ADAMTS20: variants seen among roughly 807,000 people sequenced by gnomAD.
ADAMTS20 encodes ADAM metallopeptidase with thrombospondin type 1 motif 20.
ADAMTS20 carries 225 observed loss-of-function variants against 260.1 expected under a neutral mutation model. That is an observed-to-expected ratio of 0.87 (90% CI 0.78 to 0.97). The LOEUF (loss-of-function observed/expected upper bound fraction) is 0.97. ADAMTS20 is among the 50% of genes least tolerant of loss of function. ADAMTS20 has a pLI of 0.00. For missense variants in ADAMTS20, 2,400 were observed against 2,337.7 expected, an observed-to-expected ratio of 1.03 and a Z score of -0.55; for synonymous variants, 802 against 769.5, an observed-to-expected ratio of 1.04 and a Z score of -0.70.
At chr12:43,441,965 CTATG>C (rs1170484145) in intron 16 of ADAMTS20, among the ~76,000 whole-genome samples, 6 of 152,136 alleles carry the variant, frequency 3.9e-5, no homozygotes, top group Admixed American at 2.6e-4. Flanking sequence ...TATATTTAGT[CTATG>C]ACATAGACAT....
chr12:43,492,877 C>T (rs968287790), intron 5 of ADAMTS20, among the ~76,000 whole-genome samples: 1 of 152,108 alleles, frequency 6.6e-6, no homozygotes, highest in South Asian at 2.1e-4. Flanking sequence ...CTTTTAAAAA[C>T]GACTATATTC....
chr12:43,452,650 A>G lies in ADAMTS20; in HGVS notation c.1806T>C (p.Phe602=). ...GACATGAATCAGTATTACATGATCG[A>G]AATTTCATCCTGCGGCCCACACAGT... ...GNYCVGRRMK[F]RSCNTDSCPK... The change falls in exon 13 of 39, where the codon TTT becomes TTC. Residue 602 remains phenylalanine, a synonymous_variant. Coordinates refer to ENST00000389420, the MANE Select transcript of ADAMTS20 (RefSeq NM_025003.5). 1 of 1,611,988 alleles carries G rather than the reference A, an allele frequency of 6.2e-7. No individual in the cohort carries two copies.
At chr12:43,470,001 C>G (rs1942224005) in intron 7 of ADAMTS20, among the ~76,000 whole-genome samples, 1 of 152,004 alleles carries the variant, frequency 6.6e-6, no homozygotes, top group South Asian at 2.1e-4. Flanking sequence ...CGAGCTTTTT[C>G]CTTACAAGGA....
At chr12:43,375,795 C>G (rs1940213226) in intron 35 of ADAMTS20, among the ~76,000 whole-genome samples, 3 of 152,192 alleles carry the variant, frequency 2.0e-5, no homozygotes, top group Non-Finnish European at 4.4e-5. Context: ...AAATTCTTCC[C>G]TTCTCTATGT....
At chr12:43,446,286 T>C (rs1245657334) in intron 15 of ADAMTS20, among the ~76,000 whole-genome samples, 1 of 152,148 alleles carries the variant, frequency 6.6e-6, no homozygotes, top group Non-Finnish European at 1.5e-5. Context: ...AACCATTTCA[T>C]TAATGGGAGG....
chr12:43,535,975 A>C (rs1943289310), intron 2 of ADAMTS20, among the ~76,000 whole-genome samples: 1 of 152,172 alleles, frequency 6.6e-6, no homozygotes, highest in African/African-American at 2.4e-5. Context: ...ATTTATGTAG[A>C]TAGATCCCTC....
At chr12:43,356,330 ATGT>A (rs1413698941) in intron 38 of ADAMTS20, among the ~76,000 whole-genome samples, 151 bp downstream of exon 38, 2 of 152,216 alleles carry the variant, frequency 1.3e-5, no homozygotes, top group African/African-American at 4.8e-5. Context: ...TCATAAATTA[ATGT>A]TGTGCTCCAT....
intron 7 of ADAMTS20, among the ~76,000 whole-genome samples, chr12:43,481,068 GTATATA>G (rs1942434009): frequency 6.6e-6 from 1 of 152,084 alleles, no homozygotes; most frequent in South Asian, 2.1e-4. Flanking sequence ...CCCCAAAAAT[GTATATA>G]ATTATGATTT....
Position 43,528,347 on chromosome 12 carries a change from G to GAAAAAAAAAAAAAAAAAAAAA in ADAMTS20, c.613+3688_613+3689insTTTTTTTTTTTTTTTTTTTTT, listed in dbSNP as rs1565583137. On this transcript the variant is annotated intron_variant, in intron 3 of 38. Coordinates refer to ENST00000389420, the MANE Select transcript of ADAMTS20 (RefSeq NM_025003.5). ...AGACCAACAGCCAAGGCAATCCTAA[G>GAAAAAAAAAAAAAAAAAAAAA]CAAAAAAAAAAAAAAAAAAAAAAAA... Among the ~76,000 whole-genome samples the GAAAAAAAAAAAAAAAAAAAAA allele has an allele frequency of 5.2e-3, 12 of 2,306 alleles. 1 individual carries two copies. The highest frequency in any genetic ancestry group is 9.1e-3 in the African/African-American group (12 of 1,322). 1.5% of individuals were successfully genotyped at this position (2,306 alleles called of 152,430 possible).
intron 3 of ADAMTS20, among the ~76,000 whole-genome samples, chr12:43,527,981 T>A (rs1447953901): frequency 1.3e-5 from 2 of 152,016 alleles, no homozygotes; most frequent in African/African-American, 4.8e-5. Flanking sequence ...ATAAACAAAT[T>A]CAGTAAAGTC....
intron 3 of ADAMTS20, among the ~76,000 whole-genome samples, chr12:43,503,847 G>C (rs1367024077): frequency 6.6e-6 from 1 of 152,044 alleles, no homozygotes; most frequent in Non-Finnish European, 1.5e-5. Context: ...AGTTTGCTAA[G>C]GATAATGGCC....
chr12:43,384,001 G>A, intron 29 of ADAMTS20, 24 bp from the exon 30 acceptor site: 2 of 1,571,376 alleles, frequency 1.3e-6, no homozygotes, highest in Non-Finnish European at 1.7e-6. Context: ...CAGTTGATTT[G>A]AACAATTAGC....
At chr12:43,546,619 A>G (rs1943443599) in intron 2 of ADAMTS20, among the ~76,000 whole-genome samples, 1 of 152,204 alleles carries the variant, frequency 6.6e-6, no homozygotes. Flanking sequence ...CAACATTATG[A>G]GATGATAAAT....
At chr12:43,419,964 T>C (rs1281991165) in intron 28 of ADAMTS20, among the ~76,000 whole-genome samples, 2 of 152,206 alleles carry the variant, frequency 1.3e-5, no homozygotes, top group African/African-American at 4.8e-5. Context: ...GCTGCAATTA[T>C]GCAAAATATT....
At chr12:43,477,400 T>G (rs770122478) in intron 7 of ADAMTS20, among the ~76,000 whole-genome samples, 3 of 152,342 alleles carry the variant, frequency 2.0e-5, no homozygotes, top group Admixed American at 6.5e-5. Flanking sequence ...TAAAATACTC[T>G]TAACAAACCC....
intron 28 of ADAMTS20, among the ~76,000 whole-genome samples, chr12:43,404,786 T>A (rs1184777675): frequency 6.6e-6 from 1 of 152,166 alleles, no homozygotes; most frequent in Admixed American, 6.6e-5. Flanking sequence ...AGTTTTATGT[T>A]AAATATTTTT....
rs538666060 is a variant in ADAMTS20, at chr12:43,468,686, G to C, written c.1137C>G (p.Thr379=). Residue 379 remains threonine (T), a synonymous_variant, in exon 8 of 39, where the codon ACC becomes ACG. Coordinates refer to ENST00000389420, the MANE Select transcript of ADAMTS20 (RefSeq NM_025003.5). ...AGCAGCTTTGTAAAGGATCACATAT[G>C]GTACCTAAATATGATAAACCTGAAA... ...CNMLGLSYLG[T]ICDPLQSCFI... 1 of 1,597,004 alleles carries C rather than the reference G, an allele frequency of 6.3e-7. No individual in the cohort carries two copies. The highest frequency in any genetic ancestry group is 1.1e-5 in the South Asian group (1 of 88,754).
In ADAMTS20 at chr12:43,430,328, T is replaced by C. The variant is rs776317540; in HGVS notation, c.3381+24A>G. On this transcript the variant is annotated intron_variant, in intron 23 of 38. Coordinates refer to ENST00000389420, the MANE Select transcript of ADAMTS20 (RefSeq NM_025003.5). ...TCTTTCTGTCTCATAAATCTTTTTG[T>C]TTGTAAACCATGATTCTTTTTACCT... The C allele has an allele frequency of 1.0e-5, 16 of 1,599,998 alleles. No individual in the cohort carries two copies. The South Asian group carries it at 1.8e-4, about 18-fold the overall frequency.
At chr12:43,409,617 A>AC (rs1220788649) in intron 28 of ADAMTS20, among the ~76,000 whole-genome samples, 3 of 147,278 alleles carry the variant, frequency 2.0e-5, no homozygotes, top group African/African-American at 7.6e-5. Context: ...AAAAAAAAAA[A>AC]AAAAAAAAAA....
Sources: gnomAD v4.1 joint callset for allele counts (sites outside exome capture counted in the v4.1 genomes callset) on GRCh38, gnomAD v4.1.1 for gene constraint, MANE v1.5 for transcripts, NCBI Gene and HGNC (gene_info 2026-07-23, HGNC 2026-07-21) for gene names.